The following KDM1A variants were observed in gnomAD, a reference collection of about 807,000 sequenced individuals.
The protein encoded by KDM1A is lysine-specific histone demethylase 1A.
In KDM1A, 49 loss-of-function variants were observed where a neutral mutation model predicts 109.4. The observed-to-expected ratio is 0.45, with a 90% CI of 0.36 to 0.57. KDM1A has a LOEUF of 0.57. KDM1A is among the 20% of genes least tolerant of loss of function. The pLI is 0.00. For synonymous variants in KDM1A, 380 were observed against 415.4 expected (o/e 0.91, Z 1.04); for missense variants, 668 against 1,116.6 (o/e 0.60, Z 5.73).
chr1:23,056,248 A>T (rs1642827821), intron 7 of KDM1A, among the ~76,000 whole-genome samples: 1 of 151,864 alleles, frequency 6.6e-6, no homozygotes, highest in Admixed American at 6.6e-5. Context: ...AGGGTTTTAG[A>T]GTATTTCTTT....
At chr1:23,059,034 A>G (rs749601973) in intron 8 of KDM1A, 39 bp from the exon 9 acceptor site, 5 of 1,326,914 alleles carry the variant, frequency 3.8e-6, no homozygotes, top group East Asian at 2.3e-5. Context: ...TTCTCTCTTC[A>G]TAGGTCTATT....
rs1371918218 is a variant in KDM1A at position 23,019,721 on chromosome 1, C to G, written c.125C>G (p.Ala42Gly). Residue 42 changes from alanine (A) to glycine (G), a missense_variant, in exon 1 of 21, where the codon GCG becomes GGG. Physicochemically the swap from Ala to Gly is moderately conservative, Grantham distance 60 (BLOSUM62 0). Coordinates refer to ENST00000400181, the MANE Select transcript of KDM1A (RefSeq NM_001009999.3). ...GGGTCTGAGGTGGCCGCGCAGCCCGCGGGCCTGTCGGGCCCAGCCGAGGTC... is the reference window on the plus strand; with the variant it reads ...GGGTCTGAGGTGGCCGCGCAGCCCGGGGGCCTGTCGGGCCCAGCCGAGGTC... ...ENGSEVAAQP[A>G]GLSGPAEVGP... 1.5e-6 allele frequency: 2 copies of G among 1,325,356 alleles called. No individual in the cohort carries two copies. The highest frequency in any genetic ancestry group is 1.5e-5 in the African/African-American group (1 of 64,614). 82.1% of individuals were successfully genotyped at this position (1,325,356 alleles called of 1,614,324 possible).
At chr1:23,063,241 T>TGTGG (rs1643068017) in intron 9 of KDM1A, among the ~76,000 whole-genome samples, 1 of 126,856 alleles carries the variant, frequency 7.9e-6, no homozygotes, top group Non-Finnish European at 1.7e-5. Context: ...GGTGTGTGTG[T>TGTGG]GTGTGTGTGT....
intron 16 of KDM1A, among the ~76,000 whole-genome samples, chr1:23,078,313 T>C (rs536118533): frequency 1.0e-3 from 154 of 152,316 alleles, no homozygotes; most frequent in Non-Finnish European, 1.7e-3. Context: ...TTTCTCGAGT[T>C]CTGCAGCCAT....
chr1:23,040,485 A>G (rs923271932), intron 2 of KDM1A, among the ~76,000 whole-genome samples: 1 of 152,222 alleles, frequency 6.6e-6, no homozygotes, highest in African/African-American at 2.4e-5. Context: ...AGCTGTGTAC[A>G]AATAAGCTGT....
intron 2 of KDM1A, among the ~76,000 whole-genome samples, chr1:23,034,585 A>G (rs149526557): frequency 6.6e-6 from 1 of 152,058 alleles, no homozygotes; most frequent in African/African-American, 2.4e-5. Context: ...TGATTCTCCA[A>G]CACTTACTTG....
chr1:23,083,428 TAGC>T lies in KDM1A; in HGVS notation c.*66_*68del. On this transcript the variant is annotated 3_prime_UTR_variant, in exon 21 of 21. Coordinates refer to ENST00000400181, the MANE Select transcript of KDM1A (RefSeq NM_001009999.3). Reference sequence around the variant, plus strand: ...TTCTGCCATGTAAGGAAGGCTCTTCTAGCAATACTAGATCCCACTGAGAAAATC... The same window carrying T: ...TTCTGCCATGTAAGGAAGGCTCTTCTAATACTAGATCCCACTGAGAAAATC... 1 of 1,482,972 alleles carries T rather than the reference TAGC, an allele frequency of 6.7e-7. No individual in the cohort carries two copies. The highest frequency in any genetic ancestry group is 1.3e-5 in the South Asian group (1 of 77,964). The allele number at this position is 1,482,972 out of a possible 1,614,324, so 91.9% of individuals were successfully genotyped here.
At chr1:23,043,507 G>T (rs958994280) in intron 2 of KDM1A, among the ~76,000 whole-genome samples, 1 of 152,148 alleles carries the variant, frequency 6.6e-6, no homozygotes, top group Non-Finnish European at 1.5e-5. Flanking sequence ...AATGAAGCTT[G>T]TCTGAGTTTA....
At chr1:23,020,871 A>C (rs1392371221) in intron 1 of KDM1A, among the ~76,000 whole-genome samples, 1 of 152,198 alleles carries the variant, frequency 6.6e-6, no homozygotes, top group Non-Finnish European at 1.5e-5. Context: ...CCTTGAAACA[A>C]AGGACCACAT....
chr1:23,078,477 T>G (rs1428540140), intron 16 of KDM1A, among the ~76,000 whole-genome samples: 1 of 152,214 alleles, frequency 6.6e-6, no homozygotes, highest in Non-Finnish European at 1.5e-5. Context: ...TTTGAACTCA[T>G]TCATACTCTG....
intron 14 of KDM1A, 141 bp from the exon 15 acceptor site, chr1:23,073,151 T>C (rs1643367112): frequency 8.9e-6 from 5 of 559,370 alleles, no homozygotes; most frequent in African/African-American, 1.9e-5. Context: ...ACAGATAAGA[T>C]GCTACTTTTT....
intron 12 of KDM1A, 85 bp downstream of exon 12, chr1:23,069,236 T>G (rs1643237884): frequency 1.3e-6 from 1 of 793,616 alleles, no homozygotes. Flanking sequence ...TTCCGAGATT[T>G]TTTCCTCCAT....
intron 3 of KDM1A, among the ~76,000 whole-genome samples, chr1:23,046,821 G>A (rs960238914): frequency 9.9e-5 from 15 of 152,208 alleles, no homozygotes; most frequent in Admixed American, 7.2e-4. Flanking sequence ...TGAGCAGGAA[G>A]GAACTGAACA....
At chr1:23,055,844 A>T in intron 6 of KDM1A, 88 bp from the exon 7 acceptor site, 1 of 694,444 alleles carries the variant, frequency 1.4e-6, no homozygotes, top group Non-Finnish European at 2.4e-6. Flanking sequence ...CTATTATGTT[A>T]AGAACCTAGA....
chr1:23,045,760 AGT>A (rs1238483676), intron 3 of KDM1A, among the ~76,000 whole-genome samples: 2 of 152,166 alleles, frequency 1.3e-5, no homozygotes, highest in African/African-American at 2.4e-5. Flanking sequence ...TTCATATAAA[AGT>A]GTGCTGCTGA....
At chr1:23,037,858 T>C (rs899393100) in intron 2 of KDM1A, among the ~76,000 whole-genome samples, 5 of 152,222 alleles carry the variant, frequency 3.3e-5, no homozygotes, top group Non-Finnish European at 7.3e-5. Flanking sequence ...TGTTGTACTT[T>C]TTATTAAGGC....
At chr1:23,023,624 A>T (rs569421811) in intron 1 of KDM1A, among the ~76,000 whole-genome samples, 1 of 152,314 alleles carries the variant, frequency 6.6e-6, no homozygotes, top group East Asian at 1.9e-4. Context: ...GAAATTAGGA[A>T]GTGTTCCTCA....
At chr1:23,073,938 A>G (rs1160677377) in intron 15 of KDM1A, among the ~76,000 whole-genome samples, 1 of 152,190 alleles carries the variant, frequency 6.6e-6, no homozygotes, top group East Asian at 1.9e-4. Context: ...TTTGACTGCT[A>G]ATGAACGAAG....
intron 3 of KDM1A, among the ~76,000 whole-genome samples, chr1:23,046,820 A>G (rs2124439167): frequency 6.6e-6 from 1 of 152,328 alleles, no homozygotes; most frequent in African/African-American, 2.4e-5. Flanking sequence ...GTGAGCAGGA[A>G]GGAACTGAAC....
Sources: allele counts gnomAD v4.1 joint callset (sites outside exome capture counted in the v4.1 genomes callset), GRCh38; gene constraint gnomAD v4.1.1; transcripts MANE v1.5; gene names NCBI Gene and HGNC (gene_info 2026-07-23, HGNC 2026-07-21).